Variants in DIAPH2 observed in about 807,000 individuals in gnomAD.
The protein encoded by DIAPH2 is diaphanous related formin 2.
A neutral mutation model predicts 92.7 loss-of-function variants in DIAPH2; 35 were observed. The ratio of observed to expected loss-of-function variants is 0.38; its 90% CI spans 0.29 to 0.50. The LOEUF (loss-of-function observed/expected upper bound fraction) is 0.50, where lower values mean the gene tolerates loss of function less well. Among genes scored for constraint, DIAPH2 ranks in the 20% least tolerant of loss-of-function variants. DIAPH2 has a pLI of 0.94. For synonymous variants in DIAPH2, 301 were observed against 280.4 expected (o/e 1.07, Z -0.73); for missense variants, 701 against 819.5 (o/e 0.86, Z 1.77).
At position 97,247,792 on chromosome X, in the gene DIAPH2, T is replaced by A. The variant is rs186280696; in HGVS notation, c.2797T>A (p.Phe933Ile). 1.0e-4 allele frequency: 126 copies of A among 1,206,229 alleles called. No individual in the cohort carries two copies. Among genetic ancestry groups the A allele is most frequent in the Non-Finnish European group, 1.3e-4 (118 of 892,777 alleles). The change falls in exon 23 of 27, where the codon TTC (phenylalanine) becomes ATC (isoleucine). Residue 933 changes from phenylalanine to isoleucine, a missense_variant. Phe to Ile is a conservative substitution (Grantham distance 21). Transcript: ENST00000324765. ...IVHLERDIKK[F>I]PQAENQHDKF... ...TCATCTGGAACGTGACATCAAGAAA[T>A]TCCCCCAAGCAGAAAATCAACACGA...
chrX:96,892,370 C>T (rs2065313087), intron 5 of DIAPH2, among the ~76,000 whole-genome samples: 1 of 112,051 alleles, frequency 8.9e-6, no homozygotes, highest in African/African-American at 3.2e-5. Context: ...TCTTTGCTTT[C>T]ACTTTCAAAT....
At chrX:96,936,151 A>C (rs1234857997) in intron 10 of DIAPH2, among the ~76,000 whole-genome samples, 1 of 111,980 alleles carries the variant, frequency 8.9e-6, no homozygotes, top group Admixed American at 9.5e-5. Context: ...TTGTGTAGAA[A>C]CTAATTATTT....
chrX:96,759,298 G>A (rs765564252), intron 4 of DIAPH2, among the ~76,000 whole-genome samples: 2 of 111,574 alleles, frequency 1.8e-5, no homozygotes, highest in African/African-American at 3.2e-5. Context: ...TGAATTCTAC[G>A]ATTGTATTGA....
intron 26 of DIAPH2, among the ~76,000 whole-genome samples, chrX:97,551,155 G>A (rs1191249712): frequency 9.0e-6 from 1 of 110,771 alleles, no homozygotes; most frequent in Non-Finnish European, 1.9e-5. Context: ...AAAATAGATT[G>A]AAGGCCACCT....
intron 4 of DIAPH2, among the ~76,000 whole-genome samples, chrX:96,836,926 A>C (rs1434665108): frequency 3.0e-5 from 3 of 101,068 alleles, no homozygotes; most frequent in East Asian, 6.1e-4. Context: ...ACGGGGTTTC[A>C]CCGTGTTAGC....
chrX:96,989,047 T>C (rs2066050536), intron 17 of DIAPH2, among the ~76,000 whole-genome samples: 1 of 111,464 alleles, frequency 9.0e-6, no homozygotes, highest in Non-Finnish European at 1.9e-5. Flanking sequence ...TCATTTCTTT[T>C]GGATCTTCTA....
chrX:96,813,216 G>A (rs193039753), intron 4 of DIAPH2, among the ~76,000 whole-genome samples: 3 of 111,393 alleles, frequency 2.7e-5, no homozygotes, highest in South Asian at 3.8e-4. Context: ...TGTATTGGGC[G>A]CATATATATT....
chrX:96,799,805 C>T (rs1970954267), intron 4 of DIAPH2, among the ~76,000 whole-genome samples: 1 of 109,412 alleles, frequency 9.1e-6, no homozygotes, highest in African/African-American at 3.3e-5. Context: ...GAGACTCCAT[C>T]TCAAAAATAA....
chrX:97,267,433 ACAGT>A (rs1326351102), intron 23 of DIAPH2, among the ~76,000 whole-genome samples: 1 of 111,748 alleles, frequency 8.9e-6, no homozygotes, highest in African/African-American at 3.3e-5. Flanking sequence ...CCTTTAAGAA[ACAGT>A]CAGTGACCAC....
At chrX:96,933,566 A>G (rs1474323799) in intron 10 of DIAPH2, among the ~76,000 whole-genome samples, 1 of 102,259 alleles carries the variant, frequency 9.8e-6, no homozygotes, top group East Asian at 3.0e-4. Flanking sequence ...GTGTGTATAT[A>G]TATATATATT....
intron 1 of DIAPH2, among the ~76,000 whole-genome samples, chrX:96,698,110 T>G (rs767425705): frequency 8.9e-6 from 1 of 112,108 alleles, no homozygotes; most frequent in Admixed American, 9.5e-5. Context: ...CTGTGTACTT[T>G]ACTACTGTTG....
rs146625416 is a variant in DIAPH2, at chrX:97,041,351, A to C, written c.2051-31590A>C. Among the ~76,000 whole-genome samples the C allele has an allele frequency of 8.5e-3, 949 of 111,788 alleles. 7 individuals are homozygous for C. The highest frequency in any genetic ancestry group is 0.029 in the African/African-American group (884 of 30,860). ...TTTCTACTTGTGAAGTGTTTCAATT[A>C]AAATAGGAGTAGCATGTTCCAATTA... On this transcript the variant is annotated intron_variant, in intron 17 of 26. Transcript: ENST00000324765.
At chrX:97,015,670 A>G (rs756649603) in intron 17 of DIAPH2, among the ~76,000 whole-genome samples, 4 of 110,413 alleles carry the variant, frequency 3.6e-5, no homozygotes, top group Non-Finnish European at 7.6e-5. Context: ...CATCTTCCTC[A>G]ATTTAAGCAA....
chrX:97,101,077 A>C (rs1387457842), intron 20 of DIAPH2, among the ~76,000 whole-genome samples: 5 of 112,028 alleles, frequency 4.5e-5, no homozygotes, highest in African/African-American at 1.3e-4. Flanking sequence ...AACTAAAAGC[A>C]ATTTAGCACA....
chrX:96,713,193 G>T (rs1246510705), intron 1 of DIAPH2, among the ~76,000 whole-genome samples: 1 of 111,736 alleles, frequency 8.9e-6, no homozygotes, highest in Non-Finnish European at 1.9e-5. Flanking sequence ...GTGTACCTTT[G>T]TTCCTAATTT....
In DIAPH2 at chrX:96,745,691, T is replaced by C. The variant is rs180821820; in HGVS notation, c.342+6929T>C. Among the ~76,000 whole-genome samples the C allele has an allele frequency of 3.3e-3, 373 of 111,828 alleles. 2 individuals carry two copies. Among genetic ancestry groups the C allele is most frequent in the Non-Finnish European group, 5.5e-3 (294 of 53,107 alleles). On this transcript the variant is annotated intron_variant, in intron 3 of 26. Coordinates refer to ENST00000324765, the MANE Select transcript of DIAPH2 (RefSeq NM_006729.5). The stretch of plus-strand genomic sequence containing the variant: ...CTTGATTCTTCATAGCTAAGAAAAA[T>C]TGTGAAATGAGTCCAGTTAACTGAA...
intron 1 of DIAPH2, among the ~76,000 whole-genome samples, chrX:96,720,320 A>G (rs371167199): frequency 9.0e-6 from 1 of 111,456 alleles, no homozygotes; most frequent in African/African-American, 3.3e-5. Context: ...CACAGGCTCC[A>G]GCTCAGGCAC....
chrX:97,435,778 G>A (rs1158861532), intron 26 of DIAPH2, among the ~76,000 whole-genome samples: 2 of 109,028 alleles, frequency 1.8e-5, no homozygotes, highest in Non-Finnish European at 3.8e-5. Flanking sequence ...CCTTGCAGGA[G>A]TGAAAATGAC....
chrX:96,728,273 G>A (rs2064034038), intron 1 of DIAPH2, among the ~76,000 whole-genome samples: 1 of 108,349 alleles, frequency 9.2e-6, no homozygotes, highest in African/African-American at 3.4e-5. Context: ...GTAATGGCAT[G>A]ATCTCGGTTC....
Sources: gnomAD v4.1 joint callset for allele counts (sites outside exome capture counted in the v4.1 genomes callset) on GRCh38, gnomAD v4.1.1 for gene constraint, MANE v1.5 for transcripts, NCBI Gene and HGNC (gene_info 2026-07-23, HGNC 2026-07-21) for gene names.